The following SMTN variants were observed in gnomAD, a reference collection of about 807,000 sequenced individuals.
The protein encoded by SMTN is smoothelin.
Under a neutral mutation model 102.0 loss-of-function variants are expected in SMTN, and 58 were observed. That is an observed-to-expected ratio of 0.57 (90% CI 0.46 to 0.71). SMTN has a LOEUF of 0.71. Ranked by LOEUF, SMTN falls within the 30% of genes least tolerant of loss-of-function variation. The probability of loss-of-function intolerance (pLI) is 0.00; values close to 1 mark genes in which losing one functional copy is unlikely to be tolerated. For synonymous variants in SMTN, 478 were observed against 497.9 expected, an observed-to-expected ratio of 0.96 and a Z score of 0.53; for missense variants, 1,185 against 1,241.7, an observed-to-expected ratio of 0.95 and a Z score of 0.69.
intron 16 of SMTN, among the ~76,000 whole-genome samples, chr22:31,097,581 G>A (rs538774410): frequency 1.7e-3 from 256 of 152,194 alleles, no homozygotes; most frequent in Middle Eastern, 0.01. Context: ...GCAGGCACCT[G>A]TAATCCCAAC....
At position 31,088,038 on chromosome 22, in the gene SMTN, T is replaced by C. The variant is rs748374592; in HGVS notation, c.125T>C (p.Leu42Pro). ...SAIRELQRQE[L>P]EREEEALASK... ...ATCCGGGAACTGCAGCGGCAGGAGC[T>C]GGAGCGCGAGGAGGAGGCCCTGGCA... The change falls in exon 3 of 21, where the codon CTG becomes CCG. Residue 42 changes from leucine (L) to proline (P), a missense_variant. Transcript: ENST00000333137. 5 of 1,612,048 alleles carry C rather than the reference T, an allele frequency of 3.1e-6. No individual in the cohort carries two copies. In the Admixed American group the frequency reaches 6.7e-5, roughly 22 times the overall value.
At chr22:31,098,559 TG>T in intron 16 of SMTN, 107 bp from the exon 17 acceptor site, 1 of 1,050,718 alleles carries the variant, frequency 9.5e-7, no homozygotes, top group Non-Finnish European at 1.4e-6. Context: ...TTTGTGGCAG[TG>T]GAGATACTAG....
In SMTN at chr22:31,095,293, C is replaced by A. The variant is rs201845943; in HGVS notation, c.1633-10C>A. On this transcript the variant is annotated splice_polypyrimidine_tract_variant and intron_variant, in intron 11 of 20. Transcript: ENST00000333137. The surrounding 1 kb of genome is among the most constrained non-coding windows in gnomAD (Gnocchi z 4.1). ...CTGCTTAAAGTCCATGCCCTCTCCC[C>A]ACCCTGCAGATGGAAGCAGAGCCAG... is the stretch of plus-strand genomic sequence containing the variant. 1,725 of 1,613,066 alleles carry A rather than the reference C, an allele frequency of 1.1e-3. 3 individuals carry two copies. Among genetic ancestry groups the A allele is most frequent in the Admixed American group, 1.3e-3 (80 of 60,000 alleles).
At chr22:31,084,955 T>C in intron 2 of SMTN, 1 of 1,393,528 alleles carries the variant, frequency 7.2e-7, no homozygotes, top group Admixed American at 3.0e-5. Context: ...GGCCGGGCCA[T>C]ATAAGGAAAA....
At chr22:31,096,698 C>A (rs762641498) in intron 13 of SMTN, 35 bp from the exon 14 acceptor site, 1 of 1,504,814 alleles carries the variant, frequency 6.6e-7, no homozygotes, top group South Asian at 1.3e-5. Context: ...GTGTTGGTGG[C>A]CCTTTTGCGC....
rs2042421320 is a variant in SMTN at position 31,083,103 on chromosome 22, AAAGT to A, written c.-80-72_-80-69del. The A allele has an allele frequency of 2.6e-6, 4 of 1,535,760 alleles. No homozygotes were observed. In the East Asian group the frequency reaches 9.8e-5, roughly 38 times the overall value. On this transcript the variant is annotated intron_variant, in intron 1 of 20. Transcript: ENST00000333137. ...ATGGACGCTCCTAGGTTAGAGAGGG[AAAGT>A]AAGGCACAGAGCCTAAGTGCCTGTG...
chr22:31,084,083 G>T (rs9621184), intron 2 of SMTN, among the ~76,000 whole-genome samples: 48,682 of 152,108 alleles, frequency 0.32, 8,470 homozygotes, highest in South Asian at 0.44. Flanking sequence ...CAGATCTCAG[G>T]TGGAGGAAAG....
At chr22:31,100,741 C>A in intron 19 of SMTN, 144 bp from the exon 20 acceptor site, 2 of 605,338 alleles carry the variant, frequency 3.3e-6, no homozygotes, top group Admixed American at 2.7e-5. Context: ...TAATTGAACT[C>A]ATGTCTCTGT....
intron 15 of SMTN, 85 bp downstream of exon 15, chr22:31,097,145 T>A: frequency 6.6e-7 from 1 of 1,511,194 alleles, no homozygotes; most frequent in Non-Finnish European, 9.2e-7. Context: ...CTCCGTGTCT[T>A]CAACTGTGCC....
At position 31,091,733 on chromosome 22, in the gene SMTN, G is replaced by C. The variant is rs778614860; in HGVS notation, c.1518G>C (p.Lys506Asn). Reference protein sequence around the residue: ...PTLLSTSSGGKSTITRVNSPG... With the variant: ...PTLLSTSSGGNSTITRVNSPG... ...TACTCAGCACCAGTAGTGGGGGCAA[G>C]AGCACCATCACCCGTGTCAACAGCC... The change falls in exon 11 of 21, where the codon AAG (lysine) becomes AAC (asparagine). Residue 506 changes from lysine to asparagine, a missense_variant. Lys to Asn is a moderately conservative substitution (Grantham distance 94, BLOSUM62 0). This residue lies in a region of SMTN where 1,096 missense variants were observed against 1,112.7 expected (regional missense o/e 0.98). Transcript: ENST00000333137. 1 of 1,612,856 alleles carries C rather than the reference G, an allele frequency of 6.2e-7. No individual in the cohort carries two copies. Among genetic ancestry groups the C allele is most frequent in the South Asian group, 1.1e-5 (1 of 91,052 alleles).
chr22:31,098,895 G>A, intron 17 of SMTN, 55 bp downstream of exon 17: 4 of 1,551,934 alleles, frequency 2.6e-6, no homozygotes, highest in Non-Finnish European at 3.5e-6. Flanking sequence ...AGGCAGTGGG[G>A]GGCGGGGCTT....
Position 31,095,154 on chromosome 22 carries a change from TG to T in SMTN, c.1633-147del. On this transcript the variant is annotated intron_variant, in intron 11 of 20. Transcript: ENST00000333137. The surrounding 1 kb of genome is among the most constrained non-coding windows in gnomAD (Gnocchi z 4.1). ...GCCTCTTCCCTGACTGACGCTGACA[TG>T]GCCATCTTTGGGCAGGCAGGCTGGC... 2.7e-6 allele frequency: 2 copies of T among 745,880 alleles called. No homozygotes were observed. The highest frequency in any genetic ancestry group is 4.3e-6 in the Non-Finnish European group (2 of 460,110). 46.2% of individuals were successfully genotyped at this position (745,880 alleles called of 1,614,324 possible). A position where few individuals can be genotyped will look rare whatever the true frequency, so the allele number is the denominator to read the frequency against.
chr22:31,085,280 G>T (rs1165580088), intron 2 of SMTN: 5 of 1,505,042 alleles, frequency 3.3e-6, no homozygotes, highest in Admixed American at 2.0e-5. Context: ...TCGGCGCCTA[G>T]CGCGAGGCAG....
Position 31,098,685 on chromosome 22 carries a change from C to A in SMTN, c.2178C>A (p.Asp726Glu). The A allele has an allele frequency of 6.2e-7, 1 of 1,613,508 alleles. No individual in the cohort carries two copies. Among genetic ancestry groups the A allele is most frequent in the South Asian group, 1.1e-5 (1 of 91,054 alleles). Residue 726 changes from aspartate to glutamate, a missense_variant, in exon 17 of 21, where the codon GAC becomes GAA. By Grantham distance (45) the Asp-to-Glu change is conservative. Coordinates refer to ENST00000333137, the MANE Select transcript of SMTN (RefSeq NM_134269.3). ...KKMGSIFDRE[D>E]QASPRAGSLA... ...CCCCTAGCATCTTCGACCGCGAGGA[C>A]CAGGCCAGCCCACGGGCCGGCAGCC...
intron 2 of SMTN, among the ~76,000 whole-genome samples, chr22:31,083,780 AAG>A (rs1319763928): frequency 6.6e-6 from 1 of 152,224 alleles, no homozygotes; most frequent in Non-Finnish European, 1.5e-5. Context: ...ACTGCGACTC[AAG>A]AGAGTTAAAA....
intron 2 of SMTN, chr22:31,085,196 G>T (rs1569242299): frequency 6.5e-7 from 1 of 1,535,448 alleles, no homozygotes; most frequent in South Asian, 1.2e-5. Flanking sequence ...GTGTCCTGGG[G>T]ACCTTGGTTT....
At chr22:31,073,011 C>CTTT (rs59040826) in intron 1 of SMTN, among the ~76,000 whole-genome samples, 11 of 85,682 alleles carry the variant, frequency 1.3e-4, no homozygotes, top group Non-Finnish European at 1.7e-4. Flanking sequence ...CTCTCTCTCT[C>CTTT]TTTTTTTTTT....
intron 1 of SMTN, chr22:31,082,810 A>T: frequency 6.8e-7 from 1 of 1,471,812 alleles, no homozygotes; most frequent in East Asian, 2.5e-5. Flanking sequence ...GGGGCAGGAA[A>T]CTGGAGACTG....
At chr22:31,104,236 T>C (rs2044318449) in intron 20 of SMTN, 80 bp from the exon 21 acceptor site, 1 of 1,525,268 alleles carries the variant, frequency 6.6e-7, no homozygotes, top group Non-Finnish European at 8.9e-7. Flanking sequence ...AATGCGGCAA[T>C]AAAAAAGACC....
Sources: gnomAD v4.1 joint callset for allele counts (sites outside exome capture counted in the v4.1 genomes callset) on GRCh38, gnomAD v4.1.1 for gene constraint, gnomAD v4.1.1 regional missense constraint, Gnocchi (gnomAD v3.1) non-coding constraint, MANE v1.5 for transcripts, NCBI Gene and HGNC (gene_info 2026-07-23, HGNC 2026-07-21) for gene names.